Variants in PKD2L2 observed in about 807,000 individuals in gnomAD.
PKD2L2 encodes the protein polycystin-2-like protein 2.
A neutral mutation model predicts 83.9 loss-of-function variants in PKD2L2; 67 were observed. The observed-to-expected ratio is 0.80, with a 90% confidence interval of 0.66 to 0.98. PKD2L2 has a LOEUF of 0.98. Among genes scored for constraint, PKD2L2 ranks in the 50% least tolerant of loss-of-function variants. PKD2L2 has a pLI of 0.00. For synonymous variants in PKD2L2, 223 were observed against 237.8 expected (o/e 0.94, Z 0.57); for missense variants, 632 against 717.2 (o/e 0.88, Z 1.36).
chr5:137,930,737 G>A (rs1759807982), intron 12 of PKD2L2, among the ~76,000 whole-genome samples: 1 of 146,220 alleles, frequency 6.8e-6, no homozygotes, highest in Non-Finnish European at 1.5e-5. Flanking sequence ...CCATGTAGCA[G>A]AATCTGAGAT....
chr5:137,938,434 C>T (rs552385920), intron 14 of PKD2L2: 1 of 152,744 alleles, frequency 6.5e-6, no homozygotes, highest in South Asian at 2.1e-4. Flanking sequence ...TTTGGATACA[C>T]TCCTATCTGG....
intron 5 of PKD2L2, among the ~76,000 whole-genome samples, chr5:137,901,932 T>C (rs951271555): frequency 2.6e-5 from 4 of 151,798 alleles, no homozygotes; most frequent in Non-Finnish European, 5.9e-5. Flanking sequence ...ACTGTTCAGA[T>C]GTGCATGACT....
chr5:137,906,912 AG>A (rs1421284880), intron 6 of PKD2L2, among the ~76,000 whole-genome samples: 2 of 152,232 alleles, frequency 1.3e-5, no homozygotes, highest in Admixed American at 1.3e-4. Context: ...ATGAGTCCAG[AG>A]GGCACCAGGT....
At chr5:137,909,794 CA>C (rs1757668005) in intron 8 of PKD2L2, among the ~76,000 whole-genome samples, 1 of 151,986 alleles carries the variant, frequency 6.6e-6, no homozygotes, top group Non-Finnish European at 1.5e-5. Flanking sequence ...CTCGGCCTTT[CA>C]AAAGTGCTGG....
intron 8 of PKD2L2, among the ~76,000 whole-genome samples, chr5:137,909,895 A>C (rs1450198457): frequency 6.6e-6 from 1 of 152,020 alleles, no homozygotes; most frequent in Non-Finnish European, 1.5e-5. Flanking sequence ...ATTGATATTG[A>C]CCTGATCGTC....
chr5:137,904,149 G>A (rs1757180734), intron 5 of PKD2L2, among the ~76,000 whole-genome samples: 1 of 152,172 alleles, frequency 6.6e-6, no homozygotes, highest in African/African-American at 2.4e-5. Flanking sequence ...TCCTTCATTG[G>A]TGGGTTCAGA....
At chr5:137,916,475 C>CTTCTT in intron 8 of PKD2L2, among the ~76,000 whole-genome samples, 1 of 93,216 alleles carries the variant, frequency 1.1e-5, no homozygotes, top group Non-Finnish European at 2.0e-5. Flanking sequence ...CACTTTTCTT[C>CTTCTT]TTTTTTTTTT....
chr5:137,933,198 G>A (rs572039321), intron 12 of PKD2L2, among the ~76,000 whole-genome samples: 49 of 152,222 alleles, frequency 3.2e-4, no homozygotes, highest in Non-Finnish European at 5.7e-4. Context: ...GGTAAATTTT[G>A]AGCTGAACAG....
chr5:137,940,193 A>C (rs1489004827), intron 14 of PKD2L2: 1 of 1,613,706 alleles, frequency 6.2e-7, no homozygotes, highest in Non-Finnish European at 8.5e-7. Flanking sequence ...AATACAACTG[A>C]CTTTATGATA....
intron 5 of PKD2L2, among the ~76,000 whole-genome samples, chr5:137,905,999 T>C (rs1757331144): frequency 6.6e-6 from 1 of 152,160 alleles, no homozygotes; most frequent in Non-Finnish European, 1.5e-5. Flanking sequence ...ACTGTGAATA[T>C]TCAGGTATAG....
intron 8 of PKD2L2, among the ~76,000 whole-genome samples, chr5:137,909,761 C>T (rs1403700647): frequency 6.6e-6 from 1 of 151,838 alleles, no homozygotes; most frequent in East Asian, 1.9e-4. Context: ...TCTTGAACTC[C>T]TGAGTTCAAG....
intron 5 of PKD2L2, among the ~76,000 whole-genome samples, chr5:137,904,003 G>A (rs553733372): frequency 6.6e-6 from 1 of 152,114 alleles, no homozygotes; most frequent in African/African-American, 2.4e-5. Context: ...CGATCCACCC[G>A]CCTTGGCCTC....
Position 137,890,242 on chromosome 5 carries a change from C to A in PKD2L2, c.32-239C>A, listed in dbSNP as rs1003629134. 8 of 325,924 alleles carry A rather than the reference C, an allele frequency of 2.5e-5. No individual in the cohort carries two copies. The Admixed American group carries it at 3.2e-4, about 13-fold the overall frequency. The allele number at this position is 325,924 out of a possible 1,614,324, so 20.2% of individuals were successfully genotyped here. ...AGGCTGCAGTGAGACGAGATCGCGT[C>A]ACTGAACTCCAGCCTGGCGACAGAG... is the stretch of plus-strand genomic sequence containing the variant. On this transcript the variant is annotated intron_variant, in intron 1 of 14. Coordinates refer to ENST00000508883, the MANE Select transcript of PKD2L2 (RefSeq NM_001300921.2).
chr5:137,927,421 C>G (rs565589023), intron 12 of PKD2L2, among the ~76,000 whole-genome samples: 2 of 152,254 alleles, frequency 1.3e-5, no homozygotes, highest in South Asian at 4.1e-4. Flanking sequence ...CAAGGTAAAG[C>G]TGAGGAACTA....
At chr5:137,939,826 T>C in intron 14 of PKD2L2, 1 of 1,269,090 alleles carries the variant, frequency 7.9e-7, no homozygotes. Context: ...AACAGAAGAA[T>C]TCAGTATGAA....
chr5:137,912,335 G>A (rs1429198943), intron 8 of PKD2L2, among the ~76,000 whole-genome samples: 4 of 152,064 alleles, frequency 2.6e-5, no homozygotes, highest in African/African-American at 9.7e-5. Context: ...TTTGATAAGA[G>A]CCATTCTAAC....
chr5:137,900,716 C>G (rs1394583508), intron 5 of PKD2L2, among the ~76,000 whole-genome samples: 2 of 151,856 alleles, frequency 1.3e-5, no homozygotes, highest in Non-Finnish European at 2.9e-5. Flanking sequence ...TGCTGCAGCT[C>G]TGCCAGCAGG....
At chr5:137,923,596 C>T (rs1231585905) in intron 10 of PKD2L2, 75 bp downstream of exon 10, 3 of 779,404 alleles carry the variant, frequency 3.8e-6, no homozygotes, top group Non-Finnish European at 7.0e-6. Context: ...GTTTGAATAC[C>T]ACTTAATTCC....
chr5:137,893,292 TTATA>T (rs1756153796), intron 3 of PKD2L2, among the ~76,000 whole-genome samples: 1 of 152,120 alleles, frequency 6.6e-6, no homozygotes, highest in South Asian at 2.1e-4. Flanking sequence ...ATAATAAAAT[TTATA>T]TATAAGAATA....
Sources: gnomAD v4.1 joint callset for allele counts (sites outside exome capture counted in the v4.1 genomes callset) on GRCh38, gnomAD v4.1.1 for gene constraint, MANE v1.5 for transcripts, NCBI Gene and HGNC (gene_info 2026-07-23, HGNC 2026-07-21) for gene names.